Variants in FAM149A observed in about 807,000 individuals in gnomAD.
The protein encoded by FAM149A is family with sequence similarity 149 member A.
Under a neutral mutation model 78.2 loss-of-function variants are expected in FAM149A, and 71 were observed. The ratio of observed to expected loss-of-function variants is 0.91; its 90% CI spans 0.75 to 1.11. FAM149A has a LOEUF of 1.11. Among genes scored for constraint, FAM149A ranks in the 50% least tolerant of loss-of-function variants. FAM149A has a pLI of 0.00. For synonymous variants in FAM149A, 446 were observed against 410.5 expected, an observed-to-expected ratio of 1.09 and a Z score of -1.04; for missense variants, 1,036 against 971.0, an observed-to-expected ratio of 1.07 and a Z score of -0.89.
intron 9 of FAM149A, 44 bp from the exon 10 acceptor site, chr4:186,163,380 T>G (rs779845561): frequency 2.0e-6 from 3 of 1,525,086 alleles, no homozygotes; most frequent in Non-Finnish European, 2.7e-6. Flanking sequence ...TTCCCTGTTA[T>G]CACAGCACTC....
intron 1 of FAM149A, chr4:186,109,494 G>A (rs933593251): frequency 2.5e-5 from 25 of 985,254 alleles, no homozygotes; most frequent in Non-Finnish European, 3.0e-5. Flanking sequence ...GAAACCAGAC[G>A]AGGTGGATTC....
intron 1 of FAM149A, among the ~76,000 whole-genome samples, chr4:186,106,112 G>C (rs894099586): frequency 6.6e-6 from 1 of 152,134 alleles, no homozygotes; most frequent in African/African-American, 2.4e-5. Flanking sequence ...AGTGGGATGG[G>C]TCTCCTTTGT....
At chr4:186,139,537 G>A (rs2099324944) in intron 1 of FAM149A, among the ~76,000 whole-genome samples, 1 of 152,168 alleles carries the variant, frequency 6.6e-6, no homozygotes, top group Admixed American at 6.5e-5. Context: ...GAAGCATGGA[G>A]CCGGCACCAG....
intron 13 of FAM149A, among the ~76,000 whole-genome samples, chr4:186,171,649 C>T (rs1735543214): frequency 6.6e-6 from 1 of 152,208 alleles, no homozygotes; most frequent in African/African-American, 2.4e-5. Context: ...CCAGGACCCG[C>T]CTCTGCATGG....
At chr4:186,145,777 A>G (rs763134734) in intron 1 of FAM149A, among the ~76,000 whole-genome samples, 3 of 152,230 alleles carry the variant, frequency 2.0e-5, no homozygotes, top group Non-Finnish European at 2.9e-5. Context: ...TTGCATGTCT[A>G]TGTTTAGAAG....
intron 8 of FAM149A, chr4:186,158,338 C>A: frequency 8.3e-7 from 1 of 1,209,042 alleles, no homozygotes; most frequent in East Asian, 5.4e-5. Flanking sequence ...CACAGATTCT[C>A]CTCTGTGCTG....
chr4:186,160,102 A>C (rs1734429525), intron 8 of FAM149A, among the ~76,000 whole-genome samples: 1 of 128,216 alleles, frequency 7.8e-6, no homozygotes, highest in East Asian at 2.6e-4. Context: ...CATACACACT[A>C]CACACACCAC....
At chr4:186,108,482 C>T (rs148760647) in intron 1 of FAM149A, among the ~76,000 whole-genome samples, 211 of 151,860 alleles carry the variant, frequency 1.4e-3, no homozygotes, top group African/African-American at 4.7e-3. Flanking sequence ...AACTCTCCTG[C>T]AATTTAGAGG....
chr4:186,158,348 G>C, intron 8 of FAM149A: 1 of 1,199,600 alleles, frequency 8.3e-7, no homozygotes, highest in Non-Finnish European at 1.1e-6. Flanking sequence ...CCTCTGTGCT[G>C]TGTGGAAGTC....
At chr4:186,150,441 A>T (rs562493804) in intron 3 of FAM149A, among the ~76,000 whole-genome samples, 2 of 80,896 alleles carry the variant, frequency 2.5e-5, no homozygotes, top group African/African-American at 5.2e-5. Flanking sequence ...TTTTTTTGAG[A>T]CGGAGTCTCG....
chr4:186,126,909 G>C (rs776551710), intron 1 of FAM149A: 14 of 985,168 alleles, frequency 1.4e-5, no homozygotes, highest in Non-Finnish European at 1.7e-5. Context: ...ATAAATGGGC[G>C]GTGTATCACA....
At position 186,105,657 on chromosome 4, in the gene FAM149A, G is replaced by A. The variant is rs1457216527; in HGVS notation, c.566+15G>A. On this transcript the variant is annotated intron_variant, in intron 1 of 13. Coordinates refer to ENST00000389354, the MANE Select transcript of FAM149A (RefSeq NM_001367768.3). ...GATGGCGAAGCGTGAGTAGCAGCGT[G>A]GTCCGGGCGCGTGTACCTTTTGCCG... The A allele has an allele frequency of 9.5e-7, 1 of 1,053,600 alleles. No individual in the cohort carries two copies. Among genetic ancestry groups the A allele is most frequent in the Non-Finnish European group, 1.2e-6 (1 of 868,936 alleles). The allele number at this position is 1,053,600 out of a possible 1,614,324, so 65.3% of individuals were successfully genotyped here. A position where few individuals can be genotyped will look rare whatever the true frequency, so the allele number is the denominator to read the frequency against.
intron 1 of FAM149A, among the ~76,000 whole-genome samples, chr4:186,105,892 G>A (rs2099308556): frequency 2.0e-5 from 3 of 152,230 alleles, no homozygotes; most frequent in Admixed American, 1.3e-4. Context: ...TGAAGGAAGG[G>A]ACAGAATTTT....
intron 1 of FAM149A, chr4:186,110,053 T>G: frequency 4.1e-6 from 4 of 985,460 alleles, no homozygotes; most frequent in Non-Finnish European, 4.8e-6. Flanking sequence ...ACTGAAACCC[T>G]GTGATTTATA....
intron 1 of FAM149A, among the ~76,000 whole-genome samples, chr4:186,122,578 ATG>A (rs1177652112): frequency 6.6e-6 from 1 of 152,232 alleles, no homozygotes; most frequent in Non-Finnish European, 1.5e-5. Context: ...TGGATTTAAT[ATG>A]GTAAAATATT....
rs549794308 is a variant in FAM149A at position 186,132,287 on chromosome 4, G to A, written c.567-16886G>A. On this transcript the variant is annotated intron_variant, in intron 1 of 13. Transcript: ENST00000389354. ...GTTCAAAAATCTCAGTGAAATCAATGAAATTGATTTAAAAGCTACAGTAAA... is the reference window on the plus strand; with the variant it reads ...GTTCAAAAATCTCAGTGAAATCAATAAAATTGATTTAAAAGCTACAGTAAA... 7.1e-5 allele frequency: 62 copies of A among 868,424 alleles called. No individual in the cohort carries two copies. The African/African-American group carries it at 1.0e-3, about 15-fold the overall frequency. 53.8% of individuals were successfully genotyped at this position (868,424 alleles called of 1,614,324 possible). A position where few individuals can be genotyped will look rare whatever the true frequency, so the allele number is the denominator to read the frequency against.
chr4:186,125,647 C>T lies in FAM149A; in HGVS notation c.566+20005C>T, dbSNP rs1050738689. The T allele has an allele frequency of 8.6e-6, 8 of 930,294 alleles. No homozygotes were observed. In the African/African-American group the frequency reaches 1.4e-4, roughly 17 times the overall value. The allele number at this position is 930,294 out of a possible 1,614,324, so 57.6% of individuals were successfully genotyped here. A position where few individuals can be genotyped will look rare whatever the true frequency, so the allele number is the denominator to read the frequency against. ...TGTCAGGTTTAAGTGAGATCATTCC[C>T]ATAAGGCACTCAGCAGAGCGCTTGG... On this transcript the variant is annotated intron_variant, in intron 1 of 13. Coordinates refer to ENST00000389354, the MANE Select transcript of FAM149A (RefSeq NM_001367768.3).
chr4:186,160,217 CCA>C (rs1035477364), intron 8 of FAM149A, among the ~76,000 whole-genome samples: 8 of 133,336 alleles, frequency 6.0e-5, no homozygotes, highest in African/African-American at 2.1e-4. Context: ...ACACCACTCA[CCA>C]CACACACCAC....
intron 1 of FAM149A, among the ~76,000 whole-genome samples, chr4:186,105,878 G>T (rs931720089): frequency 6.6e-6 from 1 of 152,214 alleles, no homozygotes; most frequent in East Asian, 1.9e-4. Flanking sequence ...ATCCTAAGGG[G>T]CCTTGAAGGA....
Sources: allele counts gnomAD v4.1 joint callset (sites outside exome capture counted in the v4.1 genomes callset), GRCh38; gene constraint gnomAD v4.1.1; transcripts MANE v1.5; gene names NCBI Gene and HGNC (gene_info 2026-07-23, HGNC 2026-07-21).